Variants in DCST1 observed in about 807,000 individuals in gnomAD.
DCST1 encodes the protein E3 ubiquitin-protein ligase DCST1.
DCST1 carries 78 observed loss-of-function variants against 89.1 expected under a neutral mutation model. That is an observed-to-expected ratio of 0.88 (90% CI 0.73 to 1.06). The LOEUF (loss-of-function observed/expected upper bound fraction) is 1.06. Ranked by LOEUF, DCST1 falls within the 50% of genes least tolerant of loss-of-function variation. DCST1 has a pLI of 0.00. For missense variants in DCST1, 900 were observed against 928.6 expected (o/e 0.97, Z 0.40); for synonymous variants, 364 against 371.9 (o/e 0.98, Z 0.24).
At position 155,041,449 on chromosome 1, in the gene DCST1, A is replaced by G; in HGVS notation, c.584A>G (p.Glu195Gly). The G allele has an allele frequency of 6.2e-7, 1 of 1,614,076 alleles. No individual in the cohort carries two copies. Residue 195 changes from glutamate (E) to glycine (G), a missense_variant, in exon 7 of 17, where the codon GAG becomes GGG. Coordinates refer to ENST00000295542, the MANE Select transcript of DCST1 (RefSeq NM_152494.4). ...ACTCGGAACATCTCCGCCACTTTTG[A>G]GGACCTGGATGCCCAGGTGAATAGT... Reference protein sequence around the residue: ...AETRNISATFEDLDAQVNSET... With the variant: ...AETRNISATFGDLDAQVNSET...
At chr1:155,050,584 C>A in intron 16 of DCST1, 33 bp from the exon 17 acceptor site, 1 of 1,543,826 alleles carries the variant, frequency 6.5e-7, no homozygotes, top group South Asian at 1.2e-5. Flanking sequence ...CCGCCTCGCT[C>A]CCGGGCTGGC....
intron 4 of DCST1, among the ~76,000 whole-genome samples, chr1:155,037,128 C>T (rs1286604773): frequency 6.6e-6 from 1 of 152,186 alleles, no homozygotes; most frequent in Non-Finnish European, 1.5e-5. Context: ...AGTCTCCATG[C>T]TTGTGTGCCA....
intron 4 of DCST1, among the ~76,000 whole-genome samples, chr1:155,036,168 T>C (rs963256285): frequency 6.6e-6 from 1 of 151,966 alleles, no homozygotes; most frequent in African/African-American, 2.4e-5. Context: ...TGGTCAGAAC[T>C]GCGTGCAACA....
In DCST1 at chr1:155,048,057, C is replaced by A. The variant is rs148869297; in HGVS notation, c.1756C>A (p.Arg586=). ...TCATTGACCCCCTTCCTGCCCCCAGCGAGAGAAGAAGCGGATCCTGTTCCT... is the reference window on the plus strand; with the variant it reads ...TCATTGACCCCCTTCCTGCCCCCAGAGAGAGAAGAAGCGGATCCTGTTCCT... The part of the protein sequence containing the change: ...RVIAAFYFPK[R]EKKRILFLYN... Residue 586 remains arginine, a splice_region_variant and synonymous_variant, in exon 16 of 17, where the codon CGA becomes AGA. Transcript: ENST00000295542. 4.3e-6 allele frequency: 7 copies of A among 1,613,752 alleles called. No individual in the cohort carries two copies. Among genetic ancestry groups the A allele is most frequent in the African/African-American group, 4.0e-5 (3 of 74,868 alleles).
rs747216985 is a variant in DCST1, at chr1:155,046,394, T to G, written c.1403T>G (p.Leu468Arg). The change falls in exon 13 of 17, where the codon CTG (leucine) becomes CGG (arginine). Residue 468 changes from leucine to arginine, a missense_variant. Physicochemically the swap from Leu to Arg is moderately radical, Grantham distance 102. Coordinates refer to ENST00000295542, the MANE Select transcript of DCST1 (RefSeq NM_152494.4). ...RELLETLPILLLLVVLCGLDW... is the reference protein window; with the variant it reads ...RELLETLPILRLLVVLCGLDW... The stretch of plus-strand genomic sequence containing the variant: ...CTCCTGGAGACACTGCCCATTCTGC[T>G]GCTGCTGGTGGTGCTGTGTGGCTTG... 1.2e-6 allele frequency: 2 copies of G among 1,614,152 alleles called. No individual in the cohort carries two copies. Among genetic ancestry groups the G allele is most frequent in the East Asian group, 4.5e-5 (2 of 44,884 alleles).
Position 155,040,466 on chromosome 1 carries a change from C to T in DCST1, c.392-19C>T. The T allele has an allele frequency of 6.3e-7, 1 of 1,593,318 alleles. No individual in the cohort carries two copies. The highest frequency in any genetic ancestry group is 8.6e-7 in the Non-Finnish European group (1 of 1,168,708). ...GCTGGTTATACAGGGAGGTGACCAA[C>T]CAGGGCCTCTTTCTCCAGGGCCAGT... On this transcript the variant is annotated intron_variant, in intron 5 of 16. Coordinates refer to ENST00000295542, the MANE Select transcript of DCST1 (RefSeq NM_152494.4).
intron 13 of DCST1, 112 bp downstream of exon 13, chr1:155,046,598 CTCTT>C: frequency 2.4e-6 from 1 of 415,816 alleles, no homozygotes; most frequent in Non-Finnish European, 3.4e-6. Context: ...GTCCTTCTGC[CTCTT>C]TTTTTTTTTT....
intron 5 of DCST1, 59 bp from the exon 6 acceptor site, chr1:155,040,426 C>T (rs575060910): frequency 1.5e-5 from 23 of 1,533,910 alleles, no homozygotes; most frequent in East Asian, 4.7e-5. Flanking sequence ...GGAAGCTGAG[C>T]GGGTTTGAGA....
chr1:155,038,156 G>A (rs1660328402), intron 4 of DCST1, among the ~76,000 whole-genome samples: 2 of 152,228 alleles, frequency 1.3e-5, no homozygotes, highest in Non-Finnish European at 2.9e-5. Flanking sequence ...CTGGCAGGGG[G>A]AACAGCTAGG....
chr1:155,040,692 A>G, intron 6 of DCST1, 68 bp downstream of exon 6: 1 of 1,488,068 alleles, frequency 6.7e-7, no homozygotes, highest in Non-Finnish European at 9.0e-7. Flanking sequence ...TTGAGCTGGG[A>G]GTTGTCACCC....
At chr1:155,037,557 C>A (rs189636223) in intron 4 of DCST1, among the ~76,000 whole-genome samples, 1 of 151,824 alleles carries the variant, frequency 6.6e-6, no homozygotes, top group Non-Finnish European at 1.5e-5. Flanking sequence ...AATTCTCCTG[C>A]CTCAAACTCC....
At position 155,033,964 on chromosome 1, in the gene DCST1, C is replaced by A; in HGVS notation, c.-65-8C>A. 1 of 1,584,922 alleles carries A rather than the reference C, an allele frequency of 6.3e-7. No homozygotes were observed. The highest frequency in any genetic ancestry group is 8.7e-7 in the Non-Finnish European group (1 of 1,154,876). On this transcript the variant is annotated splice_polypyrimidine_tract_variant and splice_region_variant and intron_variant, in intron 1 of 16. Transcript: ENST00000295542. Reference sequence around the variant, plus strand: ...AAGAGACAGGCAGCACCTCTCTTCTCTCACCAGAACCTTGTGTCCAAGGAG... The same window carrying A: ...AAGAGACAGGCAGCACCTCTCTTCTATCACCAGAACCTTGTGTCCAAGGAG...
chr1:155,043,938 G>A (rs1305862318), intron 10 of DCST1, among the ~76,000 whole-genome samples: 1 of 152,170 alleles, frequency 6.6e-6, no homozygotes, highest in African/African-American at 2.4e-5. Flanking sequence ...ACCCCACCCA[G>A]CCCAGTGTCC....
chr1:155,046,063 G>C (rs909200495), intron 11 of DCST1, 62 bp from the exon 12 acceptor site: 251 of 1,613,656 alleles, frequency 1.6e-4, no homozygotes, highest in Non-Finnish European at 2.1e-4. Context: ...GCTCCAGGAA[G>C]GCAGAGAGGA....
chr1:155,047,821 G>C lies in DCST1; in HGVS notation c.1647G>C (p.Arg549Ser), dbSNP rs770719792. The C allele has an allele frequency of 5.6e-6, 9 of 1,614,056 alleles. No homozygotes were observed. Among genetic ancestry groups the C allele is most frequent in the Non-Finnish European group, 7.6e-6 (9 of 1,180,040 alleles). The change falls in exon 15 of 17, where the codon AGG (arginine) becomes AGC (serine). Residue 549 changes from arginine to serine, a missense_variant. By Grantham distance (110) the Arg-to-Ser change is moderately radical. Coordinates refer to ENST00000295542, the MANE Select transcript of DCST1 (RefSeq NM_152494.4). The part of the protein sequence containing the change: ...CLPQPVGLDA[R>S]AYWRAAVPIG... ...CCCAGCCTGTGGGCCTGGATGCCAG[G>C]GCCTACTGGAGAGCTGCAGTACCGA... is the stretch of plus-strand genomic sequence containing the variant.
rs140111903 is a variant in DCST1 at position 155,043,366 on chromosome 1, T to C, written c.1029T>C (p.Ala343=). 816 of 1,613,896 alleles carry C rather than the reference T, an allele frequency of 5.1e-4. No individual in the cohort carries two copies. The highest frequency in any genetic ancestry group is 6.3e-4 in the Non-Finnish European group (740 of 1,179,974). ...ANIDFKEEKQ[A]GVLGLNTSWE... The stretch of plus-strand genomic sequence containing the variant: ...CCCTCCACCAGGAAGAGAAGCAGGC[T>C]GGGGTGCTGGGGCTCAACACAAGCT... The change falls in exon 10 of 17, where the codon GCT becomes GCC. Residue 343 remains alanine (A), a synonymous_variant. Coordinates refer to ENST00000295542, the MANE Select transcript of DCST1 (RefSeq NM_152494.4).
At chr1:155,035,917 C>A (rs566689565) in intron 4 of DCST1, among the ~76,000 whole-genome samples, 1 of 151,736 alleles carries the variant, frequency 6.6e-6, no homozygotes, top group Admixed American at 6.6e-5. Context: ...GTGACAAGAG[C>A]GAAAGGCCAT....
At chr1:155,040,435 G>A (rs147541831) in intron 5 of DCST1, 50 bp from the exon 6 acceptor site, 1 of 1,556,984 alleles carries the variant, frequency 6.4e-7, no homozygotes, top group Non-Finnish European at 8.7e-7. Flanking sequence ...GCGGGTTTGA[G>A]AAAGTGCTGG....
Position 155,041,862 on chromosome 1 carries a change from G to A in DCST1, c.892+5G>A. 6.2e-7 allele frequency: 1 copy of A among 1,614,194 alleles called. No homozygotes were observed. The highest frequency in any genetic ancestry group is 8.5e-7 in the Non-Finnish European group (1 of 1,180,034). On this transcript the variant is annotated splice_donor_5th_base_variant and intron_variant, in intron 8 of 16. Transcript: ENST00000295542. The stretch of plus-strand genomic sequence containing the variant: ...TCTTCTGTGGCATTGCCAAGGGTCT[G>A]CACAGTTGCAAAGGGGTGGGGAGCA...
Sources: allele counts gnomAD v4.1 joint callset (sites outside exome capture counted in the v4.1 genomes callset), GRCh38; gene constraint gnomAD v4.1.1; transcripts MANE v1.5; gene names NCBI Gene and HGNC (gene_info 2026-07-23, HGNC 2026-07-21).